Variants in SGCD observed in about 807,000 individuals in gnomAD.
SGCD encodes the protein sarcoglycan delta.
Under a neutral mutation model 36.6 loss-of-function variants are expected in SGCD, and 18 were observed. The ratio of observed to expected loss-of-function variants is 0.49; its 90% CI spans 0.34 to 0.73. The LOEUF is 0.73. SGCD is among the 30% of genes least tolerant of loss of function. The pLI is 0.01. For missense variants in SGCD, 387 were observed against 346.7 expected (o/e 1.12, Z -0.92); for synonymous variants, 133 against 130.6 (o/e 1.02, Z -0.12).
intron 4 of SGCD, among the ~76,000 whole-genome samples, chr5:156,552,529 G>A (rs780083522): frequency 6.6e-6 from 1 of 152,200 alleles, no homozygotes; most frequent in African/African-American, 2.4e-5. Context: ...TATTAGAGGC[G>A]AGTCCAAACA....
intron 3 of SGCD, among the ~76,000 whole-genome samples, chr5:156,389,260 G>A (rs940324261): frequency 3.3e-5 from 5 of 152,160 alleles, no homozygotes; most frequent in Admixed American, 3.3e-4. Context: ...TGCCATGGAG[G>A]GCTTGCCCAA....
the SGCD span, among the ~76,000 whole-genome samples, chr5:155,765,404 G>A: frequency 2.2e-5 from 3 of 135,012 alleles, no homozygotes; most frequent in Non-Finnish European, 3.2e-5. Flanking sequence ...GGGAAGGAGG[G>A]GAAGGAAGTG....
chr5:156,271,627 G>A (rs1288178734), intron 3 of SGCD, among the ~76,000 whole-genome samples: 1 of 152,142 alleles, frequency 6.6e-6, no homozygotes, highest in African/African-American at 2.4e-5. Flanking sequence ...AAAGAGATGT[G>A]TGTGTATGTG....
chr5:155,848,066 T>C, the SGCD span, among the ~76,000 whole-genome samples: 27 of 152,256 alleles, frequency 1.8e-4, no homozygotes, highest in South Asian at 5.6e-3. Context: ...ATTGAATGAA[T>C]AAATGGATGA....
chr5:155,980,878 A>C (rs1328598587), intron 1 of SGCD, among the ~76,000 whole-genome samples: 1 of 146,846 alleles, frequency 6.8e-6, no homozygotes, highest in African/African-American at 2.6e-5. Flanking sequence ...CATAGTCTTT[A>C]AGCCAAGAAA....
At chr5:156,656,462 A>C (rs1285710059) in intron 7 of SGCD, among the ~76,000 whole-genome samples, 1 of 152,068 alleles carries the variant, frequency 6.6e-6, no homozygotes, top group Non-Finnish European at 1.5e-5. Context: ...AAAGGTAAAA[A>C]CCAACAAATA....
At chr5:156,545,006 T>C (rs1758507419) in intron 4 of SGCD, among the ~76,000 whole-genome samples, 1 of 152,210 alleles carries the variant, frequency 6.6e-6, no homozygotes, top group African/African-American at 2.4e-5. Flanking sequence ...GTTGGGTGTT[T>C]TGTTTCCTTT....
At chr5:155,946,427 T>C (rs921074293) in intron 1 of SGCD, among the ~76,000 whole-genome samples, 1 of 152,188 alleles carries the variant, frequency 6.6e-6, no homozygotes, top group Non-Finnish European at 1.5e-5. Context: ...GTTTGTACTA[T>C]ATTTTTCTTG....
chr5:155,772,828 T>C, the SGCD span, among the ~76,000 whole-genome samples: 3 of 152,102 alleles, frequency 2.0e-5, no homozygotes, highest in African/African-American at 7.2e-5. Context: ...TACTAACCCC[T>C]ATTGAAATGC....
At chr5:156,735,288 T>C (rs1046601620) in intron 7 of SGCD, among the ~76,000 whole-genome samples, 1 of 152,144 alleles carries the variant, frequency 6.6e-6, no homozygotes, top group African/African-American at 2.4e-5. Context: ...GCTGGGGTAC[T>C]ACTTTCACCC....
intron 3 of SGCD, among the ~76,000 whole-genome samples, chr5:156,285,228 C>T (rs1378418007): frequency 5.3e-5 from 8 of 152,162 alleles, no homozygotes; most frequent in South Asian, 2.1e-4. Context: ...GAATCAATAT[C>T]GTGAAAATGG....
intron 3 of SGCD, among the ~76,000 whole-genome samples, chr5:156,423,762 A>G (rs1481694543): frequency 6.6e-6 from 1 of 151,918 alleles, no homozygotes; most frequent in Non-Finnish European, 1.5e-5. Context: ...TGCTTTGTGT[A>G]TGTCTTGACT....
intron 3 of SGCD, among the ~76,000 whole-genome samples, chr5:156,205,989 ATT>A (rs1491562803): frequency 1.5e-5 from 2 of 136,112 alleles, no homozygotes; most frequent in East Asian, 3.3e-4. Flanking sequence ...ATATATATAT[ATT>A]TTATATATAT....
intron 1 of SGCD, among the ~76,000 whole-genome samples, chr5:155,965,312 A>G (rs1757881399): frequency 6.6e-6 from 1 of 152,124 alleles, no homozygotes; most frequent in South Asian, 2.1e-4. Flanking sequence ...CCTAGACTTC[A>G]ACCTACATCA....
chr5:156,171,070 A>G (rs1337936801), intron 3 of SGCD, among the ~76,000 whole-genome samples: 1 of 152,188 alleles, frequency 6.6e-6, no homozygotes, highest in African/African-American at 2.4e-5. Flanking sequence ...TCTCACATTA[A>G]AAGTTGTGTC....
chr5:156,669,539 T>G (rs984612773), intron 7 of SGCD, among the ~76,000 whole-genome samples: 1 of 152,180 alleles, frequency 6.6e-6, no homozygotes, highest in Non-Finnish European at 1.5e-5. Context: ...GAAAAAGTAA[T>G]TCAGGTAAGC....
chr5:155,807,542 G>A, the SGCD span, among the ~76,000 whole-genome samples: 8 of 152,242 alleles, frequency 5.3e-5, no homozygotes, highest in African/African-American at 1.4e-4. Context: ...AGTGAATGAT[G>A]TTTCTTATGA....
intron 3 of SGCD, among the ~76,000 whole-genome samples, chr5:156,180,327 C>A (rs965739016): frequency 6.6e-6 from 1 of 152,094 alleles, no homozygotes; most frequent in Non-Finnish European, 1.5e-5. Flanking sequence ...TGCCACCTAT[C>A]TCATTTAAAC....
At chr5:155,962,470 TG>T (rs1438646438) in intron 1 of SGCD, among the ~76,000 whole-genome samples, 2 of 152,078 alleles carry the variant, frequency 1.3e-5, no homozygotes, top group African/African-American at 4.8e-5. Context: ...TACTGTCCAG[TG>T]GTTTCTCTGT....
Sources: allele counts gnomAD v4.1 joint callset (sites outside exome capture counted in the v4.1 genomes callset), GRCh38; gene constraint gnomAD v4.1.1; transcripts MANE v1.5; gene names NCBI Gene and HGNC (gene_info 2026-07-23, HGNC 2026-07-21).